MLIP: variants seen among roughly 807,000 people sequenced by gnomAD.
The protein encoded by MLIP is muscular LMNA-interacting protein.
A neutral mutation model predicts 84.8 loss-of-function variants in MLIP; 79 were observed. The observed-to-expected ratio is 0.93, with a 90% CI of 0.78 to 1.12. The LOEUF (loss-of-function observed/expected upper bound fraction) is 1.12, where lower values mean the gene tolerates loss of function less well. MLIP is among the 50% of genes most tolerant of loss of function. MLIP has a pLI of 0.00. For missense variants in MLIP, 1,257 were observed against 1,160.6 expected (o/e 1.08, Z -1.21); for synonymous variants, 504 against 463.0 (o/e 1.09, Z -1.14).
At chr6:54,077,336 G>C (rs1399906590) in intron 1 of MLIP, among the ~76,000 whole-genome samples, 3 of 151,728 alleles carry the variant, frequency 2.0e-5, no homozygotes, top group African/African-American at 7.3e-5. Context: ...AAGACAACAG[G>C]TAAATGGAAG....
At chr6:54,171,856 A>T (rs1775804166) in intron 9 of MLIP, among the ~76,000 whole-genome samples, 1 of 151,572 alleles carries the variant, frequency 6.6e-6, no homozygotes, top group Non-Finnish European at 1.5e-5. Context: ...ATGAAAACTA[A>T]AAAGCAACTC....
At chr6:54,160,492 A>T in intron 6 of MLIP, 24 bp from the exon 7 acceptor site, 1 of 1,611,786 alleles carries the variant, frequency 6.2e-7, no homozygotes, top group Non-Finnish European at 8.5e-7. Context: ...TTGCTAACCC[A>T]GTACCTGGTT....
At chr6:54,054,350 C>T (rs1765528352) in intron 1 of MLIP, among the ~76,000 whole-genome samples, 1 of 144,952 alleles carries the variant, frequency 6.9e-6, no homozygotes, top group South Asian at 2.2e-4. Context: ...GTACCGATGA[C>T]AAACAGGGTG....
chr6:54,169,063 A>G (rs1775501531), intron 8 of MLIP, among the ~76,000 whole-genome samples: 1 of 151,736 alleles, frequency 6.6e-6, no homozygotes, highest in African/African-American at 2.4e-5. Flanking sequence ...GGTGGATAGG[A>G]GGTAGAGTTC....
chr6:54,063,265 A>T (rs2150335600), intron 1 of MLIP: 1 of 150,964 alleles, frequency 6.6e-6, no homozygotes, highest in African/African-American at 2.4e-5. Flanking sequence ...TTTTCTACTT[A>T]CCCATATTTC....
At chr6:54,025,358 C>A (rs902642325) in intron 1 of MLIP, among the ~76,000 whole-genome samples, 9 of 151,972 alleles carry the variant, frequency 5.9e-5, no homozygotes, top group Non-Finnish European at 1.2e-4. Context: ...ATATGTTATT[C>A]CTTACAAGGC....
intron 1 of MLIP, among the ~76,000 whole-genome samples, chr6:54,075,602 G>A (rs1023108541): frequency 5.3e-5 from 8 of 152,034 alleles, no homozygotes; most frequent in African/African-American, 1.9e-4. Context: ...TGGAGATTCT[G>A]TCATATATGC....
upstream of MLIP, among the ~76,000 whole-genome samples, chr6:54,109,770 C>A (rs1769283964): frequency 6.6e-6 from 1 of 152,012 alleles, no homozygotes; most frequent in Non-Finnish European, 1.5e-5. Flanking sequence ...CTACTAGGAG[C>A]TTCTTGGAAA....
At chr6:54,224,559 T>A (rs1484786254) in intron 11 of MLIP, among the ~76,000 whole-genome samples, 1 of 152,118 alleles carries the variant, frequency 6.6e-6, no homozygotes, top group Non-Finnish European at 1.5e-5. Context: ...AAATCCATCC[T>A]TAGGGGAATT....
At chr6:54,184,494 G>C (rs552464509) in intron 9 of MLIP, among the ~76,000 whole-genome samples, 1 of 152,290 alleles carries the variant, frequency 6.6e-6, no homozygotes, top group South Asian at 2.1e-4. Context: ...GGAAAACCTA[G>C]ATGATGGATA....
chr6:54,089,024 A>G (rs181391698), intron 1 of MLIP, among the ~76,000 whole-genome samples: 26 of 152,252 alleles, frequency 1.7e-4, no homozygotes, highest in Admixed American at 1.5e-3. Context: ...AGTGGAGACT[A>G]AAATATTTAG....
intron 11 of MLIP, among the ~76,000 whole-genome samples, chr6:54,224,749 C>G (rs1780461010): frequency 6.6e-6 from 1 of 151,806 alleles, no homozygotes; most frequent in Middle Eastern, 3.2e-3. Flanking sequence ...CACTCTTCCC[C>G]CCAAGTCCCC....
intron 8 of MLIP, among the ~76,000 whole-genome samples, chr6:54,162,375 A>T (rs1256239490): frequency 6.6e-6 from 1 of 152,080 alleles, no homozygotes; most frequent in East Asian, 1.9e-4. Flanking sequence ...TGAGCTAGGG[A>T]TGAACAGTGC....
At chr6:54,106,590 T>C (rs529441693), upstream of MLIP, among the ~76,000 whole-genome samples, 3 of 152,302 alleles carry the variant, frequency 2.0e-5, no homozygotes, top group East Asian at 5.8e-4. Context: ...GATTTACTAA[T>C]ACATTGATGA....
intron 1 of MLIP, among the ~76,000 whole-genome samples, chr6:54,039,642 C>A (rs1439884896): frequency 6.6e-6 from 1 of 151,870 alleles, no homozygotes; most frequent in African/African-American, 2.4e-5. Context: ...CTGACCTAAA[C>A]AAGCAAGATA....
chr6:54,184,584 C>T (rs1777207762), intron 9 of MLIP, among the ~76,000 whole-genome samples: 1 of 152,198 alleles, frequency 6.6e-6, no homozygotes, highest in Non-Finnish European at 1.5e-5. Flanking sequence ...TGGCTTTGGG[C>T]AAGTGGTGCC....
chr6:54,233,383 G>C (rs922834082), intron 12 of MLIP, among the ~76,000 whole-genome samples: 5 of 150,108 alleles, frequency 3.3e-5, no homozygotes, highest in Non-Finnish European at 4.4e-5. Context: ...CTGTGTCCAT[G>C]TGTTTTCATT....
intron 1 of MLIP, among the ~76,000 whole-genome samples, chr6:54,102,595 A>G (rs756570960): frequency 4.6e-5 from 7 of 152,170 alleles, no homozygotes; most frequent in Non-Finnish European, 8.8e-5. Flanking sequence ...CAAAATTAAT[A>G]AGTGTTTAAA....
intron 11 of MLIP, among the ~76,000 whole-genome samples, chr6:54,205,207 G>A (rs1582494897): frequency 6.6e-6 from 1 of 152,162 alleles, no homozygotes; most frequent in East Asian, 1.9e-4. Context: ...ATAATAAAAT[G>A]TATAATCTCA....
Sources: gnomAD v4.1 joint callset for allele counts (sites outside exome capture counted in the v4.1 genomes callset) on GRCh38, gnomAD v4.1.1 for gene constraint, MANE v1.5 for transcripts, NCBI Gene and HGNC (gene_info 2026-07-23, HGNC 2026-07-21) for gene names.